Variants in BCAS3 observed in about 807,000 individuals in gnomAD.
BCAS3 encodes BCAS3 microtubule associated cell migration factor.
Under a neutral mutation model 116.1 loss-of-function variants are expected in BCAS3, and 53 were observed. The ratio of observed to expected loss-of-function variants is 0.46; its 90% CI spans 0.37 to 0.57. The LOEUF is 0.57. BCAS3 is among the 20% of genes least tolerant of loss of function. The pLI is 0.00. For synonymous variants in BCAS3, 391 were observed against 408.2 expected (o/e 0.96, Z 0.51); for missense variants, 917 against 1,165.4 (o/e 0.79, Z 3.10).
intron 22 of BCAS3, among the ~76,000 whole-genome samples, chr17:61,345,230 C>T (rs555188791): frequency 6.6e-6 from 1 of 152,334 alleles, no homozygotes; most frequent in South Asian, 2.1e-4. Flanking sequence ...CCTGCCTGCT[C>T]TCATCAGAGG....
intron 10 of BCAS3, among the ~76,000 whole-genome samples, chr17:60,892,800 T>C (rs1384525540): frequency 6.6e-6 from 1 of 151,938 alleles, no homozygotes; most frequent in African/African-American, 2.4e-5. Flanking sequence ...TGGGCGCCTG[T>C]AGTCCCAGCT....
intron 14 of BCAS3, among the ~76,000 whole-genome samples, chr17:60,973,485 T>A (rs2062089724): frequency 6.6e-6 from 1 of 151,924 alleles, no homozygotes; most frequent in South Asian, 2.1e-4. Flanking sequence ...AATCAAGATA[T>A]AGAATAGTTT....
At chr17:60,716,733 A>G (rs982880386) in intron 5 of BCAS3, among the ~76,000 whole-genome samples, 2 of 151,998 alleles carry the variant, frequency 1.3e-5, no homozygotes, top group African/African-American at 2.4e-5. Flanking sequence ...AAATAATAAT[A>G]ATATTGAGAT....
rs547178385 is a variant in BCAS3, at chr17:61,335,060, T to C, written c.2426-33267T>C. ...CAGGGGCACCCAGAACAGACCGGAGTTCTTCCTCAGGCACATCACTGCCCC... is the reference window on the plus strand; with the variant it reads ...CAGGGGCACCCAGAACAGACCGGAGCTCTTCCTCAGGCACATCACTGCCCC... On this transcript the variant is annotated intron_variant, in intron 22 of 23. Transcript: ENST00000407086. Among the ~76,000 whole-genome samples the C allele has an allele frequency of 7.3e-4, 111 of 152,198 alleles. 1 individual carries two copies. The highest frequency in any genetic ancestry group is 2.6e-3 in the African/African-American group (107 of 41,526).
intron 7 of BCAS3, among the ~76,000 whole-genome samples, chr17:60,853,406 A>G (rs909298086): frequency 1.1e-4 from 16 of 152,232 alleles, no homozygotes; most frequent in Admixed American, 6.5e-4. Flanking sequence ...TTCTTTCAAA[A>G]TATATGTTTG....
chr17:61,215,948 A>G lies in BCAS3; in HGVS notation c.2425+131384A>G, dbSNP rs903811503. On this transcript the variant is annotated intron_variant, in intron 22 of 23. Transcript: ENST00000407086. The surrounding 1 kb of genome is among the most constrained non-coding windows in gnomAD (Gnocchi z 4.8). The stretch of plus-strand genomic sequence containing the variant: ...TTTTCAGGATATAATAGGTAAATCC[A>G]CTTCTCTAGTATATTCAAATATATA... Among the ~76,000 whole-genome samples, 4 of 152,226 alleles carry G rather than the reference A, an allele frequency of 2.6e-5. No homozygotes were observed. Among genetic ancestry groups the G allele is most frequent in the African/African-American group, 9.7e-5 (4 of 41,450 alleles).
At chr17:60,805,155 T>G (rs1344765914) in intron 6 of BCAS3, among the ~76,000 whole-genome samples, 4 of 151,990 alleles carry the variant, frequency 2.6e-5, no homozygotes, top group East Asian at 1.9e-4. Context: ...TAGTTAAAAA[T>G]TTTTAAGTAG....
In BCAS3 at chr17:61,196,411, A is replaced by G. The variant is rs773370866; in HGVS notation, c.2425+111847A>G. Among the ~76,000 whole-genome samples, 24 of 152,182 alleles carry G rather than the reference A, an allele frequency of 1.6e-4. No homozygotes were observed. The highest frequency in any genetic ancestry group is 3.1e-4 in the Non-Finnish European group (21 of 68,034). On this transcript the variant is annotated intron_variant, in intron 22 of 23. Transcript: ENST00000407086. This position sits in a 1 kb window ranked among gnomAD's most constrained non-coding sequence, Gnocchi z 4.7. ...CAGTCTGTGGCCGCTAAAAATGAAA[A>G]CCATGCCCCAGCCGGGACAAGAACA... is the stretch of plus-strand genomic sequence containing the variant.
At chr17:60,822,670 T>G (rs1387201309) in intron 7 of BCAS3, among the ~76,000 whole-genome samples, 2 of 152,220 alleles carry the variant, frequency 1.3e-5, no homozygotes, top group African/African-American at 4.8e-5. Context: ...CAAACTACTT[T>G]GAAATGTACA....
intron 14 of BCAS3, among the ~76,000 whole-genome samples, chr17:60,966,329 CTTA>C (rs1308257309): frequency 6.6e-6 from 1 of 152,160 alleles, no homozygotes; most frequent in Non-Finnish European, 1.5e-5. Context: ...TACATTCAGC[CTTA>C]TTATTGATAA....
chr17:61,093,205 G>T (rs1418397218), intron 22 of BCAS3, among the ~76,000 whole-genome samples: 1 of 152,074 alleles, frequency 6.6e-6, no homozygotes, highest in Non-Finnish European at 1.5e-5. Context: ...ACCATGCCCA[G>T]CCCCTCCAGT....
intron 22 of BCAS3, among the ~76,000 whole-genome samples, chr17:61,115,826 G>T (rs1005943635): frequency 7.3e-5 from 11 of 150,980 alleles, no homozygotes; most frequent in African/African-American, 2.7e-4. Flanking sequence ...CAATAGCAAA[G>T]ACTTGGAACC....
intron 22 of BCAS3, among the ~76,000 whole-genome samples, chr17:61,152,736 A>G (rs2077610123): frequency 6.6e-6 from 1 of 151,982 alleles, no homozygotes; most frequent in Non-Finnish European, 1.5e-5. Context: ...AAATACCCCA[A>G]TACTGCAGAT....
rs2081592614 is a variant in BCAS3 at position 61,213,456 on chromosome 17, C to G, written c.2425+128892C>G. 6.6e-6 allele frequency among the ~76,000 whole-genome samples: 1 copy of G among 152,120 alleles called. No homozygotes were observed. Among genetic ancestry groups the G allele is most frequent in the South Asian group, 2.1e-4 (1 of 4,826 alleles). ...GTGCTGGGATTACAGGTGTGAGCCACCGCGCCTGGCCTATTCATATATTTT... is the reference window on the plus strand; with the variant it reads ...GTGCTGGGATTACAGGTGTGAGCCAGCGCGCCTGGCCTATTCATATATTTT... On this transcript the variant is annotated intron_variant, in intron 22 of 23. Coordinates refer to ENST00000407086, the MANE Select transcript of BCAS3 (RefSeq NM_017679.5). The surrounding 1 kb of genome is among the most constrained non-coding windows in gnomAD (Gnocchi z 5.4).
In BCAS3 at chr17:61,176,008, T is replaced by C. The variant is rs528276003; in HGVS notation, c.2425+91444T>C. 1.5e-3 allele frequency among the ~76,000 whole-genome samples: 230 copies of C among 151,670 alleles called. 1 individual carries two copies. The highest frequency in any genetic ancestry group is 5.4e-3 in the African/African-American group (222 of 41,396). ...AGAAGATTAGCTGGGTGTGGCAGTA[T>C]GTGCCTTGTAGTCCCAGCTACTCCG... On this transcript the variant is annotated intron_variant, in intron 22 of 23. Transcript: ENST00000407086.
rs1007918709 is a variant in BCAS3 at position 61,241,759 on chromosome 17, G to C, written c.2426-126568G>C. 6.6e-6 allele frequency among the ~76,000 whole-genome samples: 1 copy of C among 151,926 alleles called. No homozygotes were observed. ...GAATAATAGTTTGGAGGTAAAATGA[G>C]TCTAAAAAATGTACTTACCTATTTT... On this transcript the variant is annotated intron_variant, in intron 22 of 23. Transcript: ENST00000407086. This position sits in a 1 kb window ranked among gnomAD's most constrained non-coding sequence, Gnocchi z 4.6.
At position 61,348,341 on chromosome 17, in the gene BCAS3, A is replaced by T. The variant is rs2057628995; in HGVS notation, c.2426-19986A>T. Among the ~76,000 whole-genome samples, 1 of 152,208 alleles carries T rather than the reference A, an allele frequency of 6.6e-6. No individual in the cohort carries two copies. ...ATGTTGAGTTGGAGGTGCCTGTGGA[A>T]CATCCAAGTGAGGGTGCTTGGTCTT... On this transcript the variant is annotated intron_variant, in intron 22 of 23. Transcript: ENST00000407086. The surrounding 1 kb of genome is among the most constrained non-coding windows in gnomAD (Gnocchi z 4.5).
At chr17:60,905,233 C>T (rs1428973223) in intron 11 of BCAS3, among the ~76,000 whole-genome samples, 1 of 151,992 alleles carries the variant, frequency 6.6e-6, no homozygotes, top group African/African-American at 2.4e-5. Context: ...ATATATAGGA[C>T]ACAATTCTTC....
At chr17:61,099,067 T>C (rs1379119627) in intron 22 of BCAS3, among the ~76,000 whole-genome samples, 1 of 152,104 alleles carries the variant, frequency 6.6e-6, no homozygotes, top group Admixed American at 6.5e-5. Flanking sequence ...GAGCTCACAG[T>C]GAGCTGAGAT....
Sources: gnomAD v4.1 joint callset for allele counts (sites outside exome capture counted in the v4.1 genomes callset) on GRCh38, gnomAD v4.1.1 for gene constraint, Gnocchi (gnomAD v3.1) non-coding constraint, MANE v1.5 for transcripts, NCBI Gene and HGNC (gene_info 2026-07-23, HGNC 2026-07-21) for gene names.